Variants in RAD54B observed in about 807,000 individuals in gnomAD.
RAD54B encodes RAD54 homolog B.
RAD54B carries 78 observed loss-of-function variants against 95.8 expected under a neutral mutation model. The ratio of observed to expected loss-of-function variants is 0.81; its 90% CI spans 0.68 to 0.98. The LOEUF (loss-of-function observed/expected upper bound fraction) is 0.98. Ranked by LOEUF, RAD54B falls within the 50% of genes least tolerant of loss-of-function variation. The pLI is 0.00. For missense variants in RAD54B, 957 were observed against 1,056.6 expected (o/e 0.91, Z 1.31); for synonymous variants, 328 against 354.9 (o/e 0.92, Z 0.85).
chr8:94,383,518 A>C (rs1810793266), intron 11 of RAD54B, among the ~76,000 whole-genome samples: 1 of 152,202 alleles, frequency 6.6e-6, no homozygotes, highest in Non-Finnish European at 1.5e-5. Context: ...TTGAGAAAGA[A>C]AGAGAGGATG....
At chr8:94,393,702 A>T (rs1040020576) in intron 9 of RAD54B, 41 bp downstream of exon 9, 1 of 1,498,236 alleles carries the variant, frequency 6.7e-7, no homozygotes, top group African/African-American at 1.4e-5. Context: ...TTCCTCAGAC[A>T]TACGGCTTTT....
intron 3 of RAD54B, among the ~76,000 whole-genome samples, chr8:94,448,034 TA>T (rs1370231048): frequency 6.6e-6 from 1 of 152,202 alleles, no homozygotes; most frequent in Non-Finnish European, 1.5e-5. Flanking sequence ...TCTTTTTGGT[TA>T]TTTTTTTCTT....
intron 3 of RAD54B, chr8:94,431,118 G>C (rs894511932): frequency 1.0e-6 from 1 of 953,186 alleles, no homozygotes; most frequent in Admixed American, 6.2e-5. Context: ...ACATATTAGA[G>C]ATTTAATATA....
At chr8:94,429,671 C>A in intron 3 of RAD54B, 2 of 983,532 alleles carry the variant, frequency 2.0e-6, no homozygotes, top group Non-Finnish European at 2.4e-6. Context: ...TCATTAGACT[C>A]AAAGAAAAGT....
In RAD54B at chr8:94,406,027, C is replaced by CACACACACACACACACAT. The variant is rs11281421; in HGVS notation, c.781+1411_781+1412insATGTGTGTGTGTGTGTGT. ...TTACACACACACACACACACACACA[C>CACACACACACACACACAT]ATATATATAAAATTCACATGTACAC... On this transcript the variant is annotated intron_variant, in intron 5 of 14. Transcript: ENST00000336148. Among the ~76,000 whole-genome samples, 63 of 150,536 alleles carry CACACACACACACACACAT rather than the reference C, an allele frequency of 4.2e-4. 1 individual carries two copies. Among genetic ancestry groups the CACACACACACACACACAT allele is most frequent in the African/African-American group, 1.4e-3 (57 of 41,128 alleles).
intron 3 of RAD54B, among the ~76,000 whole-genome samples, chr8:94,420,417 G>T (rs558721870): frequency 2.8e-4 from 42 of 151,514 alleles, no homozygotes; most frequent in African/African-American, 9.9e-4. Flanking sequence ...CACCAAGCCC[G>T]GCTAATTTTT....
chr8:94,430,322 A>T (rs1171909305), intron 3 of RAD54B: 1 of 979,094 alleles, frequency 1.0e-6, no homozygotes, highest in Non-Finnish European at 1.2e-6. Context: ...AAAAAAAAAA[A>T]AAAAAGTATT....
Position 94,463,951 on chromosome 8 carries a change from C to CA in RAD54B, c.135+3453dup, listed in dbSNP as rs1229197928. ...AAAGAGAGAAACGAAAACACATATC[C>CA]ACACAAAAATTTGTACACAAACGTT... On this transcript the variant is annotated intron_variant, in intron 2 of 14. Coordinates refer to ENST00000336148, the MANE Select transcript of RAD54B (RefSeq NM_012415.3). 3.3e-5 allele frequency among the ~76,000 whole-genome samples: 5 copies of CA among 149,852 alleles called. No homozygotes were observed. In the East Asian group the frequency reaches 9.8e-4, roughly 29 times the overall value.
chr8:94,383,947 C>T (rs148040918), intron 11 of RAD54B, among the ~76,000 whole-genome samples: 142 of 152,160 alleles, frequency 9.3e-4, no homozygotes, highest in Non-Finnish European at 1.5e-3. Flanking sequence ...GTGCAGTCCT[C>T]TATGAAAAAC....
chr8:94,391,933 T>G (rs1438873469), intron 9 of RAD54B, 34 bp from the exon 10 acceptor site: 5 of 1,528,156 alleles, frequency 3.3e-6, no homozygotes, highest in African/African-American at 1.4e-5. Flanking sequence ...ATGAAAGTGT[T>G]ATAGACAAAA....
At chr8:94,428,383 T>C in intron 3 of RAD54B, 1 of 925,124 alleles carries the variant, frequency 1.1e-6, no homozygotes, top group African/African-American at 1.8e-5. Context: ...CAAGGGGGAT[T>C]GGTTTCAGGA....
At chr8:94,372,810 T>TA (rs1810473022) in intron 14 of RAD54B, among the ~76,000 whole-genome samples, 1 of 152,114 alleles carries the variant, frequency 6.6e-6, no homozygotes, top group Non-Finnish European at 1.5e-5. Flanking sequence ...TAAATAGTCT[T>TA]ACAAAATGGG....
Position 94,458,539 on chromosome 8 carries a change from T to TTA in RAD54B, c.136-105_136-104dup, listed in dbSNP as rs1174479817. On this transcript the variant is annotated intron_variant, in intron 2 of 14. Coordinates refer to ENST00000336148, the MANE Select transcript of RAD54B (RefSeq NM_012415.3). ...TCTAATTTAAAACAGGACATACTGG[T>TTA]TATATATATAAACTAGAACTAGATA... The TTA allele has an allele frequency of 3.6e-6, 3 of 828,964 alleles. No individual in the cohort carries two copies. The Admixed American group carries it at 1.1e-4, about 29-fold the overall frequency. The allele number at this position is 828,964 out of a possible 1,614,324, so 51.4% of individuals were successfully genotyped here.
At chr8:94,422,620 ATATATATATAT>A (rs1811845883) in intron 3 of RAD54B, among the ~76,000 whole-genome samples, 1 of 42,322 alleles carries the variant, frequency 2.4e-5, no homozygotes, top group Non-Finnish European at 4.0e-5. Flanking sequence ...AAAAAAAAAT[ATATATATATAT>A]ATATATATAT....
At chr8:94,431,126 A>G in intron 3 of RAD54B, 1 of 945,316 alleles carries the variant, frequency 1.1e-6, no homozygotes, top group Non-Finnish European at 1.3e-6. Context: ...GAGATTTAAT[A>G]TAAATTTAAT....
chr8:94,422,602 AAAAAAAAAAAAAAAAATATATATATATAT>A (rs1811834051), intron 3 of RAD54B, among the ~76,000 whole-genome samples: 1 of 95,546 alleles, frequency 1.0e-5, no homozygotes, highest in African/African-American at 5.1e-5. Context: ...AAAAAAAAAA[AAAAAAAAAAAAAAAAATATATATATATAT>A]ATATATATAT....
intron 3 of RAD54B, among the ~76,000 whole-genome samples, chr8:94,433,777 G>A (rs1812185330): frequency 6.6e-6 from 1 of 150,826 alleles, no homozygotes. Flanking sequence ...GAACATGAAT[G>A]GAAATACTTT....
intron 2 of RAD54B, among the ~76,000 whole-genome samples, chr8:94,466,288 C>A (rs1417895367): frequency 1.3e-5 from 2 of 152,102 alleles, no homozygotes; most frequent in Non-Finnish European, 1.5e-5. Flanking sequence ...ATTTTATATG[C>A]CTTCTTTATA....
intron 3 of RAD54B, among the ~76,000 whole-genome samples, chr8:94,445,902 ACT>A (rs1350981424): frequency 3.3e-5 from 5 of 152,092 alleles, no homozygotes; most frequent in African/African-American, 9.7e-5. Context: ...AAACTTTAGA[ACT>A]CTTTTTTAAA....
Sources: gnomAD v4.1 joint callset for allele counts (sites outside exome capture counted in the v4.1 genomes callset) on GRCh38, gnomAD v4.1.1 for gene constraint, MANE v1.5 for transcripts, NCBI Gene and HGNC (gene_info 2026-07-23, HGNC 2026-07-21) for gene names.